Variants in IL1RAPL2 observed in about 807,000 individuals in gnomAD.
IL1RAPL2 encodes the protein X-linked interleukin-1 receptor accessory protein-like 2.
In IL1RAPL2, 3 loss-of-function variants were observed where a neutral mutation model predicts 44.1. The ratio of observed to expected loss-of-function variants is 0.07; its 90% confidence interval spans 0.03 to 0.18. IL1RAPL2 has a LOEUF of 0.18. IL1RAPL2 is among the 10% of genes least tolerant of loss of function. IL1RAPL2 has a pLI of 1.00. For missense variants in IL1RAPL2, 391 were observed against 496.4 expected (o/e 0.79, Z 2.02); for synonymous variants, 181 against 178.8 (o/e 1.01, Z -0.10).
At chrX:105,072,501 C>T (rs890445783) in intron 2 of IL1RAPL2, among the ~76,000 whole-genome samples, 1 of 111,122 alleles carries the variant, frequency 9.0e-6, no homozygotes. Context: ...GGAAAGTTTG[C>T]AACTTTCTAG....
intron 2 of IL1RAPL2, among the ~76,000 whole-genome samples, chrX:105,023,298 C>G (rs1215055718): frequency 9.0e-6 from 1 of 110,643 alleles, no homozygotes; most frequent in Non-Finnish European, 1.9e-5. Flanking sequence ...TTCGAATCTT[C>G]TCTCACATTC....
At chrX:105,281,515 C>G (rs1239190134) in intron 5 of IL1RAPL2, among the ~76,000 whole-genome samples, 1 of 112,060 alleles carries the variant, frequency 8.9e-6, no homozygotes, top group Admixed American at 9.5e-5. Context: ...ATATTTTTGT[C>G]AATGATGGAC....
At chrX:105,512,814 A>G (rs1324666590) in intron 6 of IL1RAPL2, among the ~76,000 whole-genome samples, 1 of 111,250 alleles carries the variant, frequency 9.0e-6, no homozygotes, top group Non-Finnish European at 1.9e-5. Flanking sequence ...ACAAGTGCAG[A>G]ACATGCAGTT....
intron 5 of IL1RAPL2, chrX:105,406,135 G>T (rs1337568687): frequency 8.5e-7 from 1 of 1,178,653 alleles, no homozygotes; most frequent in East Asian, 3.0e-5. Context: ...TGACTTAAAT[G>T]TGTTTGTTTA....
chrX:105,073,390 C>A (rs1237618855), intron 2 of IL1RAPL2, among the ~76,000 whole-genome samples: 2 of 108,828 alleles, frequency 1.8e-5, no homozygotes, highest in African/African-American at 3.4e-5. Flanking sequence ...TTTTTTATGG[C>A]TGCATAGTAT....
intron 1 of IL1RAPL2, among the ~76,000 whole-genome samples, chrX:104,625,344 T>C (rs939755573): frequency 3.6e-5 from 4 of 111,793 alleles, no homozygotes; most frequent in Admixed American, 2.9e-4. Flanking sequence ...AATAACAAAA[T>C]GGTACAGTTA....
chrX:105,133,303 A>G (rs910651357), intron 2 of IL1RAPL2, among the ~76,000 whole-genome samples: 1 of 112,032 alleles, frequency 8.9e-6, no homozygotes, highest in African/African-American at 3.2e-5. Flanking sequence ...ATAGCACCTT[A>G]GCATTGTTTC....
intron 1 of IL1RAPL2, among the ~76,000 whole-genome samples, chrX:104,616,698 G>C (rs1383861753): frequency 8.9e-6 from 1 of 111,735 alleles, no homozygotes; most frequent in African/African-American, 3.3e-5. Flanking sequence ...ACTCAGTACA[G>C]GAAGATAGCT....
At chrX:105,542,847 A>T (rs2036756159) in intron 6 of IL1RAPL2, among the ~76,000 whole-genome samples, 1 of 108,358 alleles carries the variant, frequency 9.2e-6, no homozygotes, top group Admixed American at 9.9e-5. Context: ...CATAAAATAG[A>T]TTCTCTTATA....
intron 2 of IL1RAPL2, among the ~76,000 whole-genome samples, chrX:104,671,304 G>C (rs1930598110): frequency 9.0e-6 from 1 of 110,740 alleles, no homozygotes; most frequent in Non-Finnish European, 1.9e-5. Context: ...TCACACAAGA[G>C]CCATCCTGAG....
intron 2 of IL1RAPL2, among the ~76,000 whole-genome samples, chrX:104,945,072 C>T (rs918091181): frequency 1.5e-4 from 17 of 111,655 alleles, no homozygotes; most frequent in East Asian, 2.8e-4. Flanking sequence ...CTGCCTCTAT[C>T]CTGGCTGTAA....
chrX:104,682,813 T>C (rs1344991306), intron 2 of IL1RAPL2, among the ~76,000 whole-genome samples: 1 of 112,161 alleles, frequency 8.9e-6, no homozygotes, highest in Non-Finnish European at 1.9e-5. Context: ...TGTATGAGCA[T>C]TCTGATTGTT....
Position 105,767,412 on chromosome X carries a change from T to C in IL1RAPL2, c.1812T>C (p.Pro604=). The change falls in exon 11 of 11, where the codon CCT becomes CCC. Residue 604 remains proline, a synonymous_variant. Transcript: ENST00000372582. ...TGGTGTCATCTCAGGCTGATCTCCCTGAATTCCACCCTTCAGATTCAATGC... is the reference window on the plus strand; with the variant it reads ...TGGTGTCATCTCAGGCTGATCTCCCCGAATTCCACCCTTCAGATTCAATGC... The part of the protein sequence containing the change: ...ATLVSSQADL[P]EFHPSDSMQI... The C allele has an allele frequency of 8.3e-7, 1 of 1,211,363 alleles. No individual in the cohort carries two copies. The highest frequency in any genetic ancestry group is 1.8e-5 in the South Asian group (1 of 57,004).
intron 5 of IL1RAPL2, among the ~76,000 whole-genome samples, chrX:105,416,085 GCTT>G (rs1454695892): frequency 3.6e-5 from 4 of 111,531 alleles, no homozygotes; most frequent in Admixed American, 2.9e-4. Context: ...AAACCTTTTG[GCTT>G]ATATTTGTTA....
chrX:104,905,931 C>T (rs1042480407), intron 2 of IL1RAPL2, among the ~76,000 whole-genome samples: 3 of 110,255 alleles, frequency 2.7e-5, no homozygotes, highest in South Asian at 4.0e-4. Flanking sequence ...TCTTCCTACC[C>T]GTGAACATGG....
At chrX:104,910,996 A>C (rs753545627) in intron 2 of IL1RAPL2, among the ~76,000 whole-genome samples, 1 of 112,233 alleles carries the variant, frequency 8.9e-6, no homozygotes, top group African/African-American at 3.2e-5. Context: ...AGAAGAGATT[A>C]ATATGAAGCA....
At chrX:105,334,161 T>C (rs761622451) in intron 5 of IL1RAPL2, among the ~76,000 whole-genome samples, 12 of 112,245 alleles carry the variant, frequency 1.1e-4, no homozygotes, top group Non-Finnish European at 2.3e-4. Flanking sequence ...TTAGTACATA[T>C]ACAAAATGGA....
intron 2 of IL1RAPL2, among the ~76,000 whole-genome samples, chrX:105,109,113 AG>A (rs1348486628): frequency 1.8e-5 from 2 of 112,083 alleles, no homozygotes; most frequent in Non-Finnish European, 3.8e-5. Flanking sequence ...AGGCTAGCTT[AG>A]TCTACCTGTT....
intron 1 of IL1RAPL2, among the ~76,000 whole-genome samples, chrX:104,575,843 A>G (rs927909637): frequency 4.5e-5 from 5 of 112,158 alleles, no homozygotes; most frequent in African/African-American, 1.6e-4. Context: ...CTCAGAATCA[A>G]AAAGGTCACA....
Sources: allele counts gnomAD v4.1 joint callset (sites outside exome capture counted in the v4.1 genomes callset), GRCh38; gene constraint gnomAD v4.1.1; transcripts MANE v1.5; gene names NCBI Gene and HGNC (gene_info 2026-07-23, HGNC 2026-07-21).